The following PRRG1 variants were observed in gnomAD, a reference collection of about 807,000 sequenced individuals.
The protein encoded by PRRG1 is transmembrane gamma-carboxyglutamic acid protein 1.
Under a neutral mutation model 11.8 loss-of-function variants are expected in PRRG1, and 5 were observed. The observed-to-expected ratio is 0.42, with a 90% CI of 0.22 to 0.89. PRRG1 has a LOEUF of 0.89. Among genes scored for constraint, PRRG1 ranks in the 40% least tolerant of loss-of-function variants. The pLI is 0.28. For missense variants in PRRG1, 155 were observed against 166.1 expected, an observed-to-expected ratio of 0.93 and a Z score of 0.37; for synonymous variants, 66 against 60.4, an observed-to-expected ratio of 1.09 and a Z score of -0.43.
chrX:37,441,102 C>A, intron 3 of PRRG1: 2 of 924,738 alleles, frequency 2.2e-6, no homozygotes, highest in South Asian at 5.8e-5. Flanking sequence ...TCAAGGCAAA[C>A]TCTAGACAAA....
At chrX:37,358,355 G>A (rs908959912) in intron 1 of PRRG1, among the ~76,000 whole-genome samples, 2 of 111,157 alleles carry the variant, frequency 1.8e-5, no homozygotes, top group Admixed American at 1.9e-4. Context: ...TATGTTCTAG[G>A]AGTTTTATAG....
At chrX:37,376,917 C>A (rs1355675491) in intron 1 of PRRG1, among the ~76,000 whole-genome samples, 1 of 109,455 alleles carries the variant, frequency 9.1e-6, no homozygotes, top group Non-Finnish European at 1.9e-5. Context: ...CTAGTTAGGA[C>A]TTTTTTGAGC....
chrX:37,432,142 C>G (rs1346877571), intron 3 of PRRG1, among the ~76,000 whole-genome samples: 1 of 105,073 alleles, frequency 9.5e-6, no homozygotes, highest in African/African-American at 3.5e-5. Flanking sequence ...GGCTGGAGTG[C>G]AGTGGCGCAA....
chrX:37,432,584 C>A (rs782157698), intron 3 of PRRG1, among the ~76,000 whole-genome samples: 28 of 111,666 alleles, frequency 2.5e-4, no homozygotes, highest in Non-Finnish European at 4.0e-4. Flanking sequence ...CCTATAGAAT[C>A]ATTCTCATCT....
chrX:37,441,652 C>A, intron 3 of PRRG1: 1 of 800,497 alleles, frequency 1.2e-6, no homozygotes. Flanking sequence ...CTACTTCGAC[C>A]GGGACAATGC....
chrX:37,442,890 T>A lies in PRRG1; in HGVS notation c.172-10246T>A, dbSNP rs782812081. Among the ~76,000 whole-genome samples the A allele has an allele frequency of 2.7e-5, 3 of 111,834 alleles. 1 individual carries two copies. Among genetic ancestry groups the A allele is most frequent in the East Asian group, 2.8e-4 (1 of 3,572 alleles). ...GTTTTTATTCTTTCAATTGTGCCATTTCTTCCAATAAACTAATATGGAAAA... is the reference window on the plus strand; with the variant it reads ...GTTTTTATTCTTTCAATTGTGCCATATCTTCCAATAAACTAATATGGAAAA... On this transcript the variant is annotated intron_variant, in intron 3 of 3. Coordinates refer to ENST00000378628, the MANE Select transcript of PRRG1 (RefSeq NM_001142395.2).
At chrX:37,396,427 T>TG (rs1284575986) in intron 1 of PRRG1, among the ~76,000 whole-genome samples, 4 of 111,687 alleles carry the variant, frequency 3.6e-5, no homozygotes, top group Non-Finnish European at 7.5e-5. Flanking sequence ...AATTGAATCA[T>TG]GGGGGGCAGG....
intron 1 of PRRG1, among the ~76,000 whole-genome samples, chrX:37,359,143 C>T: frequency 9.0e-6 from 1 of 111,465 alleles, no homozygotes; most frequent in East Asian, 2.8e-4. Flanking sequence ...TGTCTTATCA[C>T]ATAAGATGGG....
chrX:37,362,623 T>C (rs908302473), intron 1 of PRRG1, among the ~76,000 whole-genome samples: 1 of 112,041 alleles, frequency 8.9e-6, no homozygotes, highest in African/African-American at 3.2e-5. Flanking sequence ...TTCTTCACCT[T>C]TTAACTGAGG....
intron 1 of PRRG1, among the ~76,000 whole-genome samples, chrX:37,372,027 T>C (rs1374680814): frequency 3.5e-5 from 4 of 113,061 alleles, no homozygotes; most frequent in African/African-American, 1.3e-4. Flanking sequence ...GGTAGTACTT[T>C]TTAAATTTTT....
At chrX:37,444,564 A>C (rs782134582) in intron 3 of PRRG1, among the ~76,000 whole-genome samples, 1 of 112,109 alleles carries the variant, frequency 8.9e-6, no homozygotes, top group Non-Finnish European at 1.9e-5. Context: ...AGTGCCTGGC[A>C]TGGTGTAAGT....
At chrX:37,363,703 T>C (rs1338138918) in intron 1 of PRRG1, among the ~76,000 whole-genome samples, 1 of 112,317 alleles carries the variant, frequency 8.9e-6, no homozygotes, top group African/African-American at 3.2e-5. Context: ...AAAGTGTACT[T>C]GGTATCATAT....
intron 1 of PRRG1, among the ~76,000 whole-genome samples, chrX:37,361,631 C>G (rs1374402116): frequency 2.7e-5 from 3 of 111,596 alleles, no homozygotes; most frequent in African/African-American, 9.8e-5. Flanking sequence ...TGGTCTATTT[C>G]TTCCCTTCTT....
intron 1 of PRRG1, among the ~76,000 whole-genome samples, chrX:37,384,984 A>G (rs1199360992): frequency 1.8e-5 from 2 of 111,794 alleles, no homozygotes; most frequent in Non-Finnish European, 3.8e-5. Flanking sequence ...CAGAAATAGA[A>G]ATATAGGCAT....
intron 1 of PRRG1, among the ~76,000 whole-genome samples, chrX:37,373,248 TC>T (rs1930827711): frequency 1.8e-5 from 2 of 112,041 alleles, no homozygotes; most frequent in Admixed American, 1.9e-4. Context: ...CAAGCTTTTT[TC>T]CCCCTCAAGG....
intron 2 of PRRG1, among the ~76,000 whole-genome samples, chrX:37,414,719 C>G (rs1932440497): frequency 8.9e-6 from 1 of 112,950 alleles, no homozygotes; most frequent in African/African-American, 3.2e-5. Flanking sequence ...GATTCAATGA[C>G]TCTCAAAGAT....
rs189681950 is a variant in PRRG1 at position 37,416,565 on chromosome X, T to C, written c.11-9275T>C. On this transcript the variant is annotated intron_variant, in intron 2 of 3. Coordinates refer to ENST00000378628, the MANE Select transcript of PRRG1 (RefSeq NM_001142395.2). ...ACTACTGATATTGCTGCTGGTACAA[T>C]TGAGGCACCAGTAAGAGTAGAACTA... is the stretch of plus-strand genomic sequence containing the variant. 7.6e-3 allele frequency among the ~76,000 whole-genome samples: 853 copies of C among 112,019 alleles called. 5 individuals carry two copies. The highest frequency in any genetic ancestry group is 0.013 in the Non-Finnish European group (689 of 53,131).
intron 3 of PRRG1, among the ~76,000 whole-genome samples, chrX:37,435,318 T>G (rs1932873154): frequency 9.1e-6 from 1 of 110,434 alleles, no homozygotes; most frequent in Non-Finnish European, 1.9e-5. Context: ...CATGATTATA[T>G]AATGATATAA....
Position 37,455,828 on chromosome X carries a change from G to A in PRRG1, c.*2207G>A, listed in dbSNP as rs1921334553. The A allele has an allele frequency of 8.9e-6, 1 of 112,018 alleles. No individual in the cohort carries two copies. Among genetic ancestry groups the A allele is most frequent in the South Asian group, 3.7e-4 (1 of 2,725 alleles). The allele number at this position is 112,018 out of a possible 1,213,427, so 9.2% of individuals were successfully genotyped here. On this transcript the variant is annotated 3_prime_UTR_variant, in exon 4 of 4. Coordinates refer to ENST00000378628, the MANE Select transcript of PRRG1 (RefSeq NM_001142395.2). ...TTCTTTATTTTTAAATGAAAATTAA[G>A]ACACCTTTTGTGTGGACATGTTTTT... is the stretch of plus-strand genomic sequence containing the variant.
Sources: allele counts gnomAD v4.1 joint callset (sites outside exome capture counted in the v4.1 genomes callset), GRCh38; gene constraint gnomAD v4.1.1; transcripts MANE v1.5; gene names NCBI Gene and HGNC (gene_info 2026-07-23, HGNC 2026-07-21).